RNF217: variants seen among roughly 807,000 people sequenced by gnomAD.
RNF217 encodes ring finger protein 217.
Under a neutral mutation model 57.8 loss-of-function variants are expected in RNF217, and 31 were observed. That is an observed-to-expected ratio of 0.54 (90% CI 0.40 to 0.72). The LOEUF (loss-of-function observed/expected upper bound fraction) is 0.72. Among genes scored for constraint, RNF217 ranks in the 30% least tolerant of loss-of-function variants. The pLI is 0.00. For synonymous variants in RNF217, 313 were observed against 294.0 expected, an observed-to-expected ratio of 1.06 and a Z score of -0.66; for missense variants, 696 against 708.3, an observed-to-expected ratio of 0.98 and a Z score of 0.20.
rs774392794 is a variant in RNF217, at chr6:125,082,611, A to G, written c.1556-253A>G. The G allele has an allele frequency of 5.7e-6, 9 of 1,582,284 alleles. No individual in the cohort carries two copies. The South Asian group carries it at 8.2e-5, about 14-fold the overall frequency. On this transcript the variant is annotated intron_variant, in intron 5 of 5. Transcript: ENST00000521654. ...GATATGACTGTGGACAATAAAGAAG[A>G]TTTAAACCAAAGTTTTGATATTTGG...
intron 3 of RNF217, among the ~76,000 whole-genome samples, chr6:125,071,181 GATT>G (rs1429039212): frequency 2.0e-5 from 3 of 152,160 alleles, no homozygotes; most frequent in Non-Finnish European, 4.4e-5. Context: ...GGTCTGACAT[GATT>G]TCGACTTTTC....
chr6:124,964,475 C>T lies in RNF217; in HGVS notation c.882+1049C>T, dbSNP rs143153549. Among the ~76,000 whole-genome samples the T allele has an allele frequency of 8.0e-3, 1,218 of 152,226 alleles. 19 individuals are homozygous for T. Among genetic ancestry groups the T allele is most frequent in the African/African-American group, 0.027 (1,116 of 41,530 alleles). The stretch of plus-strand genomic sequence containing the variant: ...ATATGTGGTAGCTTCATGTTGAGTC[C>T]CTTGCCCATCATAGTGTTTTTAATA... On this transcript the variant is annotated intron_variant, in intron 1 of 5. Transcript: ENST00000521654.
intron 2 of RNF217, chr6:125,048,236 A>ATCTTTGT (rs745315080): frequency 1.5e-6 from 2 of 1,355,882 alleles, no homozygotes; most frequent in South Asian, 2.3e-5. Flanking sequence ...TGAGACTAAG[A>ATCTTTGT]TCTTTGTTCT....
At chr6:125,031,952 G>A (rs756643562) in intron 1 of RNF217, among the ~76,000 whole-genome samples, 1 of 152,146 alleles carries the variant, frequency 6.6e-6, no homozygotes, top group Non-Finnish European at 1.5e-5. Flanking sequence ...CCGCATGTCT[G>A]GGGAGGCCTC....
At chr6:124,992,332 A>G (rs990098445) in intron 1 of RNF217, among the ~76,000 whole-genome samples, 2 of 152,190 alleles carry the variant, frequency 1.3e-5, no homozygotes, top group African/African-American at 4.8e-5. Flanking sequence ...ACAAAGCTAC[A>G]TATATTAAAA....
At chr6:124,998,156 C>T (rs971201095) in intron 1 of RNF217, among the ~76,000 whole-genome samples, 2 of 152,188 alleles carry the variant, frequency 1.3e-5, no homozygotes, top group African/African-American at 2.4e-5. Flanking sequence ...TTTCATTCTC[C>T]CAGTCACGTA....
At chr6:125,021,359 C>T (rs1254354197) in intron 1 of RNF217, among the ~76,000 whole-genome samples, 5 of 151,516 alleles carry the variant, frequency 3.3e-5, no homozygotes, top group Admixed American at 6.6e-5. Context: ...CTGTACCTCC[C>T]GGATTCAAGC....
chr6:124,999,901 A>G lies in RNF217; in HGVS notation c.882+36475A>G, dbSNP rs191438265. 1.5e-4 allele frequency among the ~76,000 whole-genome samples: 23 copies of G among 152,360 alleles called. No individual in the cohort carries two copies. The East Asian group carries it at 4.4e-3, about 29-fold the overall frequency. On this transcript the variant is annotated intron_variant, in intron 1 of 5. Coordinates refer to ENST00000521654, the MANE Select transcript of RNF217 (RefSeq NM_001286398.3). ...AATATATGAAAAAGGTCCCAGAACA[A>G]TTATACCACCAATAGCTTATTTACA... is the stretch of plus-strand genomic sequence containing the variant.
intron 3 of RNF217, among the ~76,000 whole-genome samples, chr6:125,065,031 T>C (rs1787884137): frequency 6.6e-6 from 1 of 151,892 alleles, no homozygotes; most frequent in African/African-American, 2.4e-5. Flanking sequence ...ATCCCAGCAC[T>C]TTGGGAGGCC....
chr6:125,022,017 G>T (rs1365503576), intron 1 of RNF217, among the ~76,000 whole-genome samples: 2 of 152,048 alleles, frequency 1.3e-5, no homozygotes, highest in East Asian at 3.9e-4. Context: ...AAGTAGCTGG[G>T]ATCACAAGCA....
intron 1 of RNF217, among the ~76,000 whole-genome samples, chr6:124,973,728 C>A (rs1415318895): frequency 6.6e-6 from 1 of 152,152 alleles, no homozygotes; most frequent in Admixed American, 6.5e-5. Context: ...ATGCTAGCAT[C>A]CCATCTATCA....
chr6:125,068,037 T>A lies in RNF217; in HGVS notation c.1282-8620T>A, dbSNP rs889554015. Among the ~76,000 whole-genome samples the A allele has an allele frequency of 2.0e-5, 3 of 152,310 alleles. No individual in the cohort carries two copies. In the East Asian group the frequency reaches 5.8e-4, roughly 29 times the overall value. The stretch of plus-strand genomic sequence containing the variant: ...AAATTTAAAACATGTTCATTATATT[T>A]TGCAGATGGGGGTCATGGATAATAT... On this transcript the variant is annotated intron_variant, in intron 3 of 5. Coordinates refer to ENST00000521654, the MANE Select transcript of RNF217 (RefSeq NM_001286398.3).
At chr6:125,003,895 A>G (rs1224641091) in intron 1 of RNF217, among the ~76,000 whole-genome samples, 5 of 152,118 alleles carry the variant, frequency 3.3e-5, no homozygotes, top group Admixed American at 1.3e-4. Context: ...TGAGGTTCAG[A>G]TACGTTAGGG....
In RNF217 at chr6:125,092,345, T is replaced by C. The variant is rs1341208756; in HGVS notation, c.*9408T>C. The C allele has an allele frequency of 1.3e-4, 20 of 152,348 alleles. No individual in the cohort carries two copies. The East Asian group carries it at 2.5e-3, about 19-fold the overall frequency. The allele number at this position is 152,348 out of a possible 1,614,324, so 9.4% of individuals were successfully genotyped here. On this transcript the variant is annotated 3_prime_UTR_variant, in exon 6 of 6. Transcript: ENST00000521654. ...GATATTTTGGAGTCTAATTTCCGAC[T>C]TTTCGTAATGTCCCAATGACCTTTT...
At chr6:125,000,321 A>G (rs1303411767) in intron 1 of RNF217, among the ~76,000 whole-genome samples, 2 of 152,082 alleles carry the variant, frequency 1.3e-5, no homozygotes, top group African/African-American at 4.8e-5. Context: ...AAGCTGATTA[A>G]AACAAGACTC....
intron 1 of RNF217, among the ~76,000 whole-genome samples, chr6:125,039,462 G>A (rs891847818): frequency 4.6e-5 from 7 of 152,080 alleles, no homozygotes; most frequent in African/African-American, 1.7e-4. Flanking sequence ...AGTTCTTAGA[G>A]ACCTACAAAG....
intron 1 of RNF217, chr6:125,009,169 C>G (rs1785320214): frequency 2.6e-6 from 4 of 1,523,264 alleles, no homozygotes; most frequent in Non-Finnish European, 3.5e-6. Flanking sequence ...TTCTCATATT[C>G]ATAGGTCCAT....
chr6:125,070,947 G>T (rs911966), intron 3 of RNF217, among the ~76,000 whole-genome samples: 65,141 of 151,888 alleles, frequency 0.43, 14,484 homozygotes, highest in Middle Eastern at 0.52. Context: ...ACAAATACTT[G>T]TGGGCAGATG....
chr6:125,006,575 G>C (rs1487027494), intron 1 of RNF217, among the ~76,000 whole-genome samples: 2 of 152,108 alleles, frequency 1.3e-5, no homozygotes, highest in Non-Finnish European at 2.9e-5. Context: ...ATACTATTCT[G>C]AGCAAATATA....
Sources: gnomAD v4.1 joint callset for allele counts (sites outside exome capture counted in the v4.1 genomes callset) on GRCh38, gnomAD v4.1.1 for gene constraint, MANE v1.5 for transcripts, NCBI Gene and HGNC (gene_info 2026-07-23, HGNC 2026-07-21) for gene names.